ACTR3C: variants seen among roughly 807,000 people sequenced by gnomAD.
The protein encoded by ACTR3C is actin-related protein 3C.
Under a neutral mutation model 26.3 loss-of-function variants are expected in ACTR3C, and 18 were observed. The ratio of observed to expected loss-of-function variants is 0.68; its 90% CI spans 0.47 to 1.01. The LOEUF (loss-of-function observed/expected upper bound fraction) is 1.01, where lower values mean the gene tolerates loss of function less well. Ranked by LOEUF, ACTR3C falls within the 50% of genes least tolerant of loss-of-function variation. The probability of loss-of-function intolerance (pLI) is 0.00; values close to 1 mark genes in which losing one functional copy is unlikely to be tolerated. For synonymous variants in ACTR3C, 55 were observed against 94.5 expected (o/e 0.58, Z 2.42); for missense variants, 184 against 250.7 (o/e 0.73, Z 1.80).
At chr7:149,958,404 T>A in the ACTR3C span, among the ~76,000 whole-genome samples, 1 of 152,232 alleles carries the variant, frequency 6.6e-6, no homozygotes, top group South Asian at 2.1e-4. Flanking sequence ...GATCTGAGCT[T>A]TCCATTTGAG....
the ACTR3C span, among the ~76,000 whole-genome samples, chr7:150,160,913 C>A: frequency 0.71 from 97,752 of 138,440 alleles, 36,203 homozygotes; most frequent in East Asian, 0.98. Flanking sequence ...GAGAAATTAC[C>A]TCTGGATAGG....
At chr7:150,098,811 A>G in the ACTR3C span, among the ~76,000 whole-genome samples, 4 of 151,784 alleles carry the variant, frequency 2.6e-5, no homozygotes, top group Non-Finnish European at 5.9e-5. Flanking sequence ...ATGAGGAAAC[A>G]ATCGTCAGTA....
the ACTR3C span, among the ~76,000 whole-genome samples, chr7:149,925,017 A>G: frequency 2.0e-5 from 3 of 152,220 alleles, no homozygotes; most frequent in Admixed American, 6.5e-5. Flanking sequence ...GCAGCACGTT[A>G]TAAAATGAGT....
chr7:150,194,263 C>A, the ACTR3C span, among the ~76,000 whole-genome samples: 1 of 140,348 alleles, frequency 7.1e-6, no homozygotes, highest in East Asian at 2.0e-4. Context: ...AAAGTATTTT[C>A]TTTTATATAT....
chr7:150,009,068 C>G, the ACTR3C span, among the ~76,000 whole-genome samples: 1 of 152,240 alleles, frequency 6.6e-6, no homozygotes, highest in African/African-American at 2.4e-5. Context: ...AGCCCAAGCC[C>G]CACTGGGCCA....
At chr7:150,129,640 C>G in the ACTR3C span, among the ~76,000 whole-genome samples, 1 of 152,002 alleles carries the variant, frequency 6.6e-6, no homozygotes, top group African/African-American at 2.4e-5. Context: ...TTTGAATAAT[C>G]TTAAAAATAT....
At chr7:150,293,449 C>T (rs1351082576) in intron 2 of ACTR3C, 30 bp from the exon 3 acceptor site, 1 of 1,537,292 alleles carries the variant, frequency 6.5e-7, no homozygotes, top group Non-Finnish European at 8.7e-7. Flanking sequence ...ACCGCTCGCA[C>T]ATAGGAACTC....
At chr7:149,888,030 A>G in the ACTR3C span, among the ~76,000 whole-genome samples, 9 of 152,094 alleles carry the variant, frequency 5.9e-5, no homozygotes, top group Non-Finnish European at 1.3e-4. Context: ...GTGTGTCTTT[A>G]TCACCAGTGT....
chr7:150,131,576 C>T, the ACTR3C span, among the ~76,000 whole-genome samples: 1 of 152,180 alleles, frequency 6.6e-6, no homozygotes, highest in Non-Finnish European at 1.5e-5. Flanking sequence ...ACAGGAGCTA[C>T]ACCACTTGGG....
At chr7:150,178,280 CT>C in the ACTR3C span, among the ~76,000 whole-genome samples, 59,237 of 124,962 alleles carry the variant, frequency 0.47, 13,947 homozygotes, top group East Asian at 0.67. Context: ...AACAGGAATA[CT>C]TTTTTTTTTT....
chr7:149,887,541 A>C, the ACTR3C span, among the ~76,000 whole-genome samples: 1 of 152,142 alleles, frequency 6.6e-6, no homozygotes, highest in South Asian at 2.1e-4. Context: ...TACCATCAGG[A>C]GTTGGTATAT....
downstream of ACTR3C, among the ~76,000 whole-genome samples, chr7:150,241,992 C>T (rs1404163139): frequency 2.6e-5 from 4 of 152,020 alleles, no homozygotes; most frequent in South Asian, 2.1e-4. Flanking sequence ...CCGAAGCGGG[C>T]GGATCACAAG....
chr7:150,064,832 T>C, the ACTR3C span, among the ~76,000 whole-genome samples: 1 of 151,986 alleles, frequency 6.6e-6, no homozygotes, highest in Non-Finnish European at 1.5e-5. Context: ...GGAGAGTTGC[T>C]CTCCTATTTT....
chr7:150,107,483 C>G, the ACTR3C span, among the ~76,000 whole-genome samples: 2 of 151,904 alleles, frequency 1.3e-5, no homozygotes, highest in East Asian at 1.9e-4. Flanking sequence ...GTTACAGGCC[C>G]TGAAATAGAC....
chr7:150,206,152 T>A, the ACTR3C span, among the ~76,000 whole-genome samples: 1 of 152,224 alleles, frequency 6.6e-6, no homozygotes, highest in South Asian at 2.1e-4. Flanking sequence ...CTCCGCTTTC[T>A]CTTCTCCCAG....
chr7:150,038,879 C>T, the ACTR3C span, among the ~76,000 whole-genome samples: 2 of 56,278 alleles, frequency 3.6e-5, no homozygotes, highest in Admixed American at 4.1e-4. Flanking sequence ...CCCTGCCTCG[C>T]GGGGGGTGCC....
chr7:150,034,597 G>C, the ACTR3C span, among the ~76,000 whole-genome samples: 3 of 151,696 alleles, frequency 2.0e-5, no homozygotes, highest in African/African-American at 7.3e-5. Flanking sequence ...AGCTCCGGTA[G>C]ATTGCAAATA....
the ACTR3C span, among the ~76,000 whole-genome samples, chr7:150,028,802 C>T: frequency 6.6e-6 from 1 of 152,288 alleles, no homozygotes; most frequent in Non-Finnish European, 1.5e-5. Context: ...TCCCTGCAGA[C>T]ACCAGCTGCC....
At chr7:150,102,599 C>A in the ACTR3C span, among the ~76,000 whole-genome samples, 2 of 152,036 alleles carry the variant, frequency 1.3e-5, no homozygotes, top group African/African-American at 4.8e-5. Flanking sequence ...CCTTCCAATT[C>A]TCACAGTCGG....
Sources: allele counts gnomAD v4.1 joint callset (sites outside exome capture counted in the v4.1 genomes callset), GRCh38; gene constraint gnomAD v4.1.1; transcripts MANE v1.5; gene names NCBI Gene and HGNC (gene_info 2026-07-23, HGNC 2026-07-21).